The following RBPJ variants were observed in gnomAD, a reference collection of about 807,000 sequenced individuals.
RBPJ encodes the protein recombining binding protein suppressor of hairless.
RBPJ carries 9 observed loss-of-function variants against 67.8 expected under a neutral mutation model. That is an observed-to-expected ratio of 0.13 (90% CI 0.08 to 0.23). The LOEUF is 0.23. RBPJ is among the 10% of genes least tolerant of loss of function. The pLI, the probability that RBPJ is intolerant of heterozygous loss-of-function variation, is 1.00. For missense variants in RBPJ, 305 were observed against 595.6 expected (o/e 0.51, Z 5.08); for synonymous variants, 198 against 203.3 (o/e 0.97, Z 0.22).
chr4:26,392,412 A>G (rs1208930923), intron 2 of RBPJ, among the ~76,000 whole-genome samples: 1 of 152,226 alleles, frequency 6.6e-6, no homozygotes, highest in Non-Finnish European at 1.5e-5. Flanking sequence ...ACATAACCCC[A>G]ATATCCAGCA....
rs572905280 is a variant in RBPJ at position 26,282,776 on chromosome 4, C to T, written c.-166-79670C>T. 4.0e-4 allele frequency among the ~76,000 whole-genome samples: 61 copies of T among 152,222 alleles called. 1 individual carries two copies. The highest frequency in any genetic ancestry group is 1.8e-3 in the Admixed American group (27 of 15,292). ...CCTCAGGTGATCCACCCACCTTGGC[C>T]TCCCAAAGTGCTGGGATTACAGGCA... On this transcript the variant is annotated intron_variant, in intron 1 of 4. Coordinates refer to the RBPJ transcript ENST00000512351.
chr4:26,191,204 TATATATAG>T (rs1201900054), intron 1 of RBPJ, among the ~76,000 whole-genome samples: 461 of 31,806 alleles, frequency 0.014, 4 homozygotes, highest in South Asian at 0.018. Flanking sequence ...TATATATATA[TATATATAG>T]AGAGAGAGAG....
Position 26,307,857 on chromosome 4 carries a change from A to G in RBPJ, c.-166-54589A>G, listed in dbSNP as rs187523681. Among the ~76,000 whole-genome samples the G allele has an allele frequency of 3.9e-5, 6 of 152,364 alleles. No individual in the cohort carries two copies. The East Asian group carries it at 1.2e-3, about 29-fold the overall frequency. ...TAACAATACCTTAATATAATTTATT[A>G]ACCATCCTTCCATAGGATGCTAATC... On this transcript the variant is annotated intron_variant, in intron 1 of 4. Coordinates refer to the RBPJ transcript ENST00000512351.
intron 7 of RBPJ, among the ~76,000 whole-genome samples, chr4:26,427,542 G>T (rs1735799769): frequency 6.6e-6 from 1 of 152,202 alleles, no homozygotes. Flanking sequence ...TTAAAGGTCA[G>T]TTGGAGCAGT....
At chr4:26,212,496 G>GTGCAATC (rs1247312607) in intron 1 of RBPJ, among the ~76,000 whole-genome samples, 2 of 142,898 alleles carry the variant, frequency 1.4e-5, no homozygotes, top group Non-Finnish European at 3.0e-5. Context: ...GAGTGCAGTG[G>GTGCAATC]TGCAATCTTG....
intron 1 of RBPJ, among the ~76,000 whole-genome samples, chr4:26,257,213 T>C (rs1013042178): frequency 6.6e-6 from 1 of 152,246 alleles, no homozygotes; most frequent in Non-Finnish European, 1.5e-5. Flanking sequence ...TCATGATTGC[T>C]ATCACATATT....
At chr4:26,418,895 G>A (rs373605321) in intron 4 of RBPJ, among the ~76,000 whole-genome samples, 1 of 152,180 alleles carries the variant, frequency 6.6e-6, no homozygotes, top group South Asian at 2.1e-4. Context: ...GGGTATAGCA[G>A]CTCACAGATG....
intron 1 of RBPJ, among the ~76,000 whole-genome samples, chr4:26,249,325 A>C (rs557552891): frequency 6.6e-6 from 1 of 152,210 alleles, no homozygotes; most frequent in South Asian, 2.1e-4. Flanking sequence ...GTTCCCTCAA[A>C]ATGTTTATGT....
chr4:26,221,852 G>A (rs966934712), intron 1 of RBPJ, among the ~76,000 whole-genome samples: 1 of 152,156 alleles, frequency 6.6e-6, no homozygotes, highest in African/African-American at 2.4e-5. Context: ...GGCTGGGTGC[G>A]GTGACTCATG....
At chr4:26,412,005 C>T (rs1734069169) in intron 3 of RBPJ, among the ~76,000 whole-genome samples, 1 of 150,180 alleles carries the variant, frequency 6.7e-6, no homozygotes, top group Non-Finnish European at 1.5e-5. Context: ...GTCCCAGCTA[C>T]TCGGGAGGCT....
chr4:26,132,808 A>AC, the RBPJ span, among the ~76,000 whole-genome samples: 4 of 151,470 alleles, frequency 2.6e-5, no homozygotes, highest in Non-Finnish European at 5.9e-5. Flanking sequence ...TTACTTCTCA[A>AC]CCCCCCCACC....
the RBPJ span, among the ~76,000 whole-genome samples, chr4:26,110,524 T>G: frequency 6.6e-6 from 1 of 152,220 alleles, no homozygotes; most frequent in Non-Finnish European, 1.5e-5. The surrounding 1 kb of genome is among the most constrained non-coding windows in gnomAD (Gnocchi z 4.5). Flanking sequence ...AACCTGTCCA[T>G]CAGGATAAGT....
At chr4:26,260,677 GTA>G (rs1171179909) in intron 1 of RBPJ, among the ~76,000 whole-genome samples, 1 of 152,150 alleles carries the variant, frequency 6.6e-6, no homozygotes, top group African/African-American at 2.4e-5. Flanking sequence ...AGATTATTTT[GTA>G]TGTTTGAAGT....
chr4:26,203,802 A>C (rs1718073050), intron 1 of RBPJ, among the ~76,000 whole-genome samples: 1 of 152,096 alleles, frequency 6.6e-6, no homozygotes, highest in Middle Eastern at 3.2e-3. Flanking sequence ...TCATTGCCTC[A>C]CTCTACCTGA....
At position 26,340,816 on chromosome 4, in the gene RBPJ, G is replaced by A. The variant is rs570145121; in HGVS notation, c.20+19768G>A. 5.5e-4 allele frequency among the ~76,000 whole-genome samples: 83 copies of A among 149,744 alleles called. 2 individuals are homozygous for A. The South Asian group carries it at 0.015, about 28-fold the overall frequency. The stretch of plus-strand genomic sequence containing the variant: ...GGAGGTTGCAGTGAGCTGAGATCAC[G>A]CCACTGCACTCCAGCCTGGCAACAG... On this transcript the variant is annotated intron_variant, in intron 1 of 10. Coordinates refer to ENST00000355476, the MANE Select transcript of RBPJ (RefSeq NM_015874.6).
intron 1 of RBPJ, among the ~76,000 whole-genome samples, chr4:26,214,582 A>G (rs1019215884): frequency 2.4e-4 from 33 of 138,338 alleles, no homozygotes; most frequent in African/African-American, 8.0e-4. Flanking sequence ...AAAAAGAAAG[A>G]AAGGAAGGAA....
intron 1 of RBPJ, among the ~76,000 whole-genome samples, chr4:26,304,506 CATT>C (rs1722171301): frequency 6.6e-6 from 1 of 152,186 alleles, no homozygotes; most frequent in Non-Finnish European, 1.5e-5. Context: ...CAACATTTGT[CATT>C]ATCTGTCTTT....
intron 7 of RBPJ, among the ~76,000 whole-genome samples, chr4:26,425,718 T>C (rs1441407764): frequency 6.6e-6 from 1 of 152,174 alleles, no homozygotes; most frequent in African/African-American, 2.4e-5. Flanking sequence ...CCTCTCCTTT[T>C]CTCAAACAAT....
intron 1 of RBPJ, among the ~76,000 whole-genome samples, chr4:26,172,483 T>C (rs1716630724): frequency 6.6e-6 from 1 of 152,186 alleles, no homozygotes; most frequent in Non-Finnish European, 1.5e-5. Context: ...AGTCTCCTCC[T>C]GGGAATAACT....
Sources: allele counts gnomAD v4.1 joint callset (sites outside exome capture counted in the v4.1 genomes callset), GRCh38; gene constraint gnomAD v4.1.1; non-coding constraint Gnocchi (gnomAD v3.1); transcripts MANE v1.5; gene names NCBI Gene and HGNC (gene_info 2026-07-23, HGNC 2026-07-21).